SNAP91: variants seen among roughly 807,000 people sequenced by gnomAD.
SNAP91 encodes synaptosome associated protein 91.
In SNAP91, 27 loss-of-function variants were observed where a neutral mutation model predicts 100.3. That is an observed-to-expected ratio of 0.27 (90% CI 0.20 to 0.37). The LOEUF (loss-of-function observed/expected upper bound fraction) is 0.37. Among genes scored for constraint, SNAP91 ranks in the 10% least tolerant of loss-of-function variants. The probability of loss-of-function intolerance (pLI) is 1.00; values close to 1 mark genes in which losing one functional copy is unlikely to be tolerated. For missense variants in SNAP91, 986 were observed against 1,123.7 expected, an observed-to-expected ratio of 0.88 and a Z score of 1.75; for synonymous variants, 404 against 398.6, an observed-to-expected ratio of 1.01 and a Z score of -0.16.
chr6:83,658,308 T>C (rs2098455953), intron 6 of SNAP91, among the ~76,000 whole-genome samples: 1 of 152,138 alleles, frequency 6.6e-6, no homozygotes, highest in Admixed American at 6.5e-5. Context: ...ATTTAAGCAA[T>C]CTGCATAAAA....
intron 7 of SNAP91, 98 bp downstream of exon 7, chr6:83,656,656 T>A: frequency 2.0e-6 from 1 of 490,024 alleles, no homozygotes; most frequent in Non-Finnish European, 3.4e-6. Flanking sequence ...TTCCACACAA[T>A]ATTGCCCACC....
chr6:83,681,109 CAAAA>C (rs1305506183), intron 2 of SNAP91, among the ~76,000 whole-genome samples: 1 of 152,048 alleles, frequency 6.6e-6, no homozygotes. Context: ...GGTTATGATT[CAAAA>C]GTATATCTTA....
At chr6:83,693,643 C>A (rs2099159093) in intron 2 of SNAP91, among the ~76,000 whole-genome samples, 1 of 152,168 alleles carries the variant, frequency 6.6e-6, no homozygotes, top group Admixed American at 6.5e-5. Flanking sequence ...CCCTGTCTCA[C>A]AATAGCTATA....
At chr6:83,644,336 A>G (rs1002529539) in intron 7 of SNAP91, among the ~76,000 whole-genome samples, 4 of 152,174 alleles carry the variant, frequency 2.6e-5, no homozygotes, top group Non-Finnish European at 5.9e-5. Flanking sequence ...TTTCTATAAT[A>G]GTAGCATTGA....
chr6:83,589,007 C>G (rs1389487962), intron 22 of SNAP91, among the ~76,000 whole-genome samples: 1 of 152,090 alleles, frequency 6.6e-6, no homozygotes, highest in Non-Finnish European at 1.5e-5. Context: ...CTGTGAAAGG[C>G]CAGAATATTT....
chr6:83,619,166 T>C (rs1347918437), intron 9 of SNAP91, among the ~76,000 whole-genome samples: 1 of 152,102 alleles, frequency 6.6e-6, no homozygotes, highest in Admixed American at 6.5e-5. Flanking sequence ...AATACAAGAC[T>C]ATCAAACTGA....
rs73486986 is a variant in SNAP91 at position 83,704,016 on chromosome 6, T to C, written c.130+3782A>G. Among the ~76,000 whole-genome samples, 750 of 152,346 alleles carry C rather than the reference T, an allele frequency of 4.9e-3. 4 individuals are homozygous for C. Among genetic ancestry groups the C allele is most frequent in the African/African-American group, 0.017 (717 of 41,570 alleles). The stretch of plus-strand genomic sequence containing the variant: ...GTTACTTTGGACCAACTCTATTTTA[T>C]TGTTCAAGCTTGACACAATACTGGG... On this transcript the variant is annotated intron_variant, in intron 2 of 29. Transcript: ENST00000369694.
chr6:83,671,796 A>T (rs1004338032), intron 2 of SNAP91, among the ~76,000 whole-genome samples: 25 of 152,082 alleles, frequency 1.6e-4, no homozygotes, highest in Admixed American at 3.3e-4. Flanking sequence ...GTGGTCACCT[A>T]CTTCTTTTCC....
intron 16 of SNAP91, among the ~76,000 whole-genome samples, chr6:83,598,981 C>T (rs971941525): frequency 6.6e-6 from 1 of 152,102 alleles, no homozygotes; most frequent in Non-Finnish European, 1.5e-5. Flanking sequence ...TGTCATTGTA[C>T]ACTCATTTCT....
chr6:83,704,635 C>T (rs1286659897), intron 2 of SNAP91, among the ~76,000 whole-genome samples: 1 of 151,920 alleles, frequency 6.6e-6, no homozygotes, highest in Non-Finnish European at 1.5e-5. Flanking sequence ...TAAACCAGTA[C>T]CTTAATATTA....
rs536140823 is a variant in SNAP91 at position 83,658,911 on chromosome 6, G to A, written c.546+88C>T. On this transcript the variant is annotated intron_variant, in intron 6 of 29. Coordinates refer to ENST00000369694, the MANE Select transcript of SNAP91 (RefSeq NM_001242792.2). ...AAATGAAGATCTATAGCTGCTTCCC[G>A]AGGAAATCTTTGGATTTACCTGTAG... The A allele has an allele frequency of 6.2e-5, 59 of 958,650 alleles. 1 individual carries two copies. In the African/African-American group the frequency reaches 6.4e-4, roughly 10 times the overall value. 59.4% of individuals were successfully genotyped at this position (958,650 alleles called of 1,614,324 possible). A position where few individuals can be genotyped will look rare whatever the true frequency, so the allele number is the denominator to read the frequency against.
intron 8 of SNAP91, among the ~76,000 whole-genome samples, chr6:83,630,245 T>C (rs555818843): frequency 1.3e-5 from 2 of 152,258 alleles, no homozygotes; most frequent in East Asian, 3.9e-4. Flanking sequence ...GTTGGATTAG[T>C]TAGCCAGTAT....
chr6:83,669,120 T>C (rs1586649686), intron 2 of SNAP91, among the ~76,000 whole-genome samples: 2 of 152,022 alleles, frequency 1.3e-5, no homozygotes, highest in South Asian at 2.1e-4. Context: ...TTTCACACCA[T>C]TGTAAAGTTG....
intron 2 of SNAP91, among the ~76,000 whole-genome samples, chr6:83,680,841 G>A (rs1308689743): frequency 6.6e-6 from 1 of 152,086 alleles, no homozygotes; most frequent in African/African-American, 2.4e-5. Context: ...GTAGACTGTT[G>A]AGAACTGTTT....
intron 12 of SNAP91, 66 bp downstream of exon 12, chr6:83,610,584 C>T (rs779059384): frequency 7.2e-6 from 4 of 552,406 alleles, no homozygotes; most frequent in Non-Finnish European, 1.0e-5. Flanking sequence ...CTGAACTGTA[C>T]ACTTTATGAT....
At chr6:83,680,285 G>C (rs965866804) in intron 2 of SNAP91, among the ~76,000 whole-genome samples, 1 of 152,120 alleles carries the variant, frequency 6.6e-6, no homozygotes, top group Non-Finnish European at 1.5e-5. Flanking sequence ...AAAGGAATAA[G>C]TAAGGTTTTA....
At chr6:83,632,195 T>C (rs1324411970) in intron 8 of SNAP91, among the ~76,000 whole-genome samples, 1 of 152,136 alleles carries the variant, frequency 6.6e-6, no homozygotes, top group Non-Finnish European at 1.5e-5. Context: ...TTCTAGCTTG[T>C]AGGGTTTCTG....
chr6:83,601,041 G>A (rs373384118), intron 16 of SNAP91, among the ~76,000 whole-genome samples: 1 of 152,144 alleles, frequency 6.6e-6, no homozygotes, highest in Non-Finnish European at 1.5e-5. Flanking sequence ...GTTAAAAAAC[G>A]TGAAAATCAA....
Position 83,694,145 on chromosome 6 carries a change from T to C in SNAP91, c.130+13653A>G, listed in dbSNP as rs562012779. 7.2e-5 allele frequency among the ~76,000 whole-genome samples: 11 copies of C among 152,374 alleles called. 1 individual carries two copies. In the South Asian group the frequency reaches 2.3e-3, roughly 32 times the overall value. On this transcript the variant is annotated intron_variant, in intron 2 of 29. Coordinates refer to ENST00000369694, the MANE Select transcript of SNAP91 (RefSeq NM_001242792.2). The stretch of plus-strand genomic sequence containing the variant: ...TCCATGGGCATGATAGAATGAATGC[T>C]GTGTATTCACATCCCATTTCCTTCT...
Sources: gnomAD v4.1 joint callset for allele counts (sites outside exome capture counted in the v4.1 genomes callset) on GRCh38, gnomAD v4.1.1 for gene constraint, MANE v1.5 for transcripts, NCBI Gene and HGNC (gene_info 2026-07-23, HGNC 2026-07-21) for gene names.